The following RAB26 variants were observed in gnomAD, a reference collection of about 807,000 sequenced individuals.
RAB26 encodes the protein RAB26, member RAS oncogene family, also known as ras-related protein Rab-26.
A neutral mutation model predicts 33.1 loss-of-function variants in RAB26; 39 were observed. That is an observed-to-expected ratio of 1.18 (90% CI 0.91 to 1.54). RAB26 has a LOEUF of 1.54. RAB26 is among the 40% of genes most tolerant of loss of function. RAB26 has a pLI of 0.00. For missense variants in RAB26, 468 were observed against 362.9 expected (o/e 1.29, Z -2.35); for synonymous variants, 192 against 151.9 (o/e 1.26, Z -1.94).
Position 2,153,384 on chromosome 16 carries a change from A to G in RAB26, c.734A>G (p.Lys245Arg). ...CGCTTCCGGCTGCATGATTACGTTAAGAGGGAGGGTCGAGGGGCCTCCTGC... is the reference window on the plus strand; with the variant it reads ...CGCTTCCGGCTGCATGATTACGTTAGGAGGGAGGGTCGAGGGGCCTCCTGC... ...EPRFRLHDYV[K>R]REGRGASCCR... Residue 245 changes from lysine to arginine, a missense_variant, in exon 9 of 9, where the codon AAG becomes AGG. Lys to Arg is a conservative substitution (Grantham distance 26, BLOSUM62 2). Coordinates refer to ENST00000210187, the MANE Select transcript of RAB26 (RefSeq NM_014353.5). The G allele has an allele frequency of 1.2e-6, 2 of 1,613,504 alleles. No individual in the cohort carries two copies. The highest frequency in any genetic ancestry group is 1.7e-6 in the Non-Finnish European group (2 of 1,180,014).
At position 2,149,984 on chromosome 16, in the gene RAB26, T is replaced by C; in HGVS notation, c.239T>C (p.Leu80Pro). Residue 80 changes from leucine to proline, a missense_variant, in exon 2 of 9, where the codon CTG becomes CCG. Coordinates refer to ENST00000210187, the MANE Select transcript of RAB26 (RefSeq NM_014353.5). Reference sequence around the variant, plus strand: ...TCGGGTGTGGGGAAGACCTGTCTGCTGGTGCGATTCAAGGATGGTGCTTTC... The same window carrying C: ...TCGGGTGTGGGGAAGACCTGTCTGCCGGTGCGATTCAAGGATGGTGCTTTC... ...GDSGVGKTCL[L>P]VRFKDGAFLA... The C allele has an allele frequency of 6.5e-7, 1 of 1,543,898 alleles. No homozygotes were observed. Among genetic ancestry groups the C allele is most frequent in the Non-Finnish European group, 8.7e-7 (1 of 1,143,394 alleles).
At position 2,153,223 on chromosome 16, in the gene RAB26, G is replaced by T. The variant is rs2093012463; in HGVS notation, c.668+1G>T. 8.7e-6 allele frequency: 14 copies of T among 1,613,796 alleles called. No individual in the cohort carries two copies. Among genetic ancestry groups the T allele is most frequent in the African/African-American group, 1.3e-5 (1 of 75,058 alleles). ...ACTTGGCCTTCACAGCCATAGCAAAGTAAGTCCTGCCAGTCACCAGGACTC... is the reference window on the plus strand; with the variant it reads ...ACTTGGCCTTCACAGCCATAGCAAATTAAGTCCTGCCAGTCACCAGGACTC... On this transcript the variant is annotated splice_donor_variant, in intron 8 of 8. Coordinates refer to ENST00000210187, the MANE Select transcript of RAB26 (RefSeq NM_014353.5). LOFTEE classifies it high-confidence loss of function.
chr16:2,151,917 C>A lies in RAB26; in HGVS notation c.468+9C>A. On this transcript the variant is annotated intron_variant, in intron 5 of 8. Transcript: ENST00000210187. ...CCTTTGACAACATCCAGGTCAGTGG[C>A]TTTCCTGGTGGGGTGAAAGGGCCCT... 6.2e-7 allele frequency: 1 copy of A among 1,614,086 alleles called. No homozygotes were observed. Among genetic ancestry groups the A allele is most frequent in the Non-Finnish European group, 8.5e-7 (1 of 1,180,014 alleles).
At chr16:2,152,044 G>A (rs2093006863) in intron 5 of RAB26, 136 bp downstream of exon 5, 1 of 1,281,940 alleles carries the variant, frequency 7.8e-7, no homozygotes, top group Non-Finnish European at 1.1e-6. Flanking sequence ...CTTCTGGGCT[G>A]GAGGTGGCCC....
rs1446841422 is a variant in RAB26 at position 2,153,309 on chromosome 16, C to T, written c.669-10C>T. The T allele has an allele frequency of 1.2e-6, 2 of 1,613,490 alleles. No individual in the cohort carries two copies. The highest frequency in any genetic ancestry group is 2.2e-5 in the South Asian group (2 of 91,084). ...GGCCATCGTGTCCCCTTGTCACCCC[C>T]ACTCCGCAGGGAGTTGAAGCAGCGC... is the stretch of plus-strand genomic sequence containing the variant. On this transcript the variant is annotated splice_polypyrimidine_tract_variant and intron_variant, in intron 8 of 8. Transcript: ENST00000210187.
At chr16:2,149,303 C>CTTTT (rs756125935) in intron 1 of RAB26, among the ~76,000 whole-genome samples, 4 of 116,016 alleles carry the variant, frequency 3.4e-5, no homozygotes, top group East Asian at 2.2e-4. Context: ...GGCTGTGGGC[C>CTTTT]TTTTTTTTTT....
rs2093013060 is a variant in RAB26 at position 2,153,316 on chromosome 16, C to T, written c.669-3C>T. ...GTGTCCCCTTGTCACCCCCACTCCG[C>T]AGGGAGTTGAAGCAGCGCTCCATGA... is the stretch of plus-strand genomic sequence containing the variant. On this transcript the variant is annotated splice_region_variant and splice_polypyrimidine_tract_variant and intron_variant, in intron 8 of 8. Transcript: ENST00000210187. The T allele has an allele frequency of 6.2e-7, 1 of 1,613,386 alleles. No individual in the cohort carries two copies. The highest frequency in any genetic ancestry group is 8.5e-7 in the Non-Finnish European group (1 of 1,179,962).
Position 2,148,841 on chromosome 16 carries a change from C to A in RAB26, c.58C>A (p.Leu20Met), listed in dbSNP as rs779210459. Reference protein sequence around the residue: ...KGASTPAASTLPTANGARPAR... With the variant: ...KGASTPAASTMPTANGARPAR... ...GGCCAGCACCCCCGCTGCCTCCACGCTGCCCACCGCCAACGGGGCCCGACC... is the reference window on the plus strand; with the variant it reads ...GGCCAGCACCCCCGCTGCCTCCACGATGCCCACCGCCAACGGGGCCCGACC... The change falls in exon 1 of 9, where the codon CTG becomes ATG. Residue 20 changes from leucine (L) to methionine (M), a missense_variant. Coordinates refer to ENST00000210187, the MANE Select transcript of RAB26 (RefSeq NM_014353.5). The A allele has an allele frequency of 3.5e-6, 5 of 1,413,898 alleles. No homozygotes were observed. In the Admixed American group the frequency reaches 1.4e-4, roughly 41 times the overall value. The allele number at this position is 1,413,898 out of a possible 1,614,324, so 87.6% of individuals were successfully genotyped here.
In RAB26 at chr16:2,148,983, G is replaced by A. The variant is rs1016870573; in HGVS notation, c.195+5G>A. On this transcript the variant is annotated splice_donor_5th_base_variant and intron_variant, in intron 1 of 8. Transcript: ENST00000210187. ...TTCTACGACGTCGCCTTCAAGGTGA[G>A]CCAGGCACCCGCCCCCCAGGCCAGC... 6.3e-6 allele frequency: 8 copies of A among 1,274,392 alleles called. No homozygotes were observed. The highest frequency in any genetic ancestry group is 3.1e-5 in the African/African-American group (2 of 64,790). The allele number at this position is 1,274,392 out of a possible 1,614,324, so 78.9% of individuals were successfully genotyped here.
Position 2,153,185 on chromosome 16 carries a change from G to A in RAB26, c.631G>A (p.Gly211Ser), listed in dbSNP as rs759499711. Residue 211 changes from glycine (G) to serine (S), a missense_variant, in exon 8 of 9, where the codon GGC (glycine) becomes AGC (serine). Coordinates refer to ENST00000210187, the MANE Select transcript of RAB26 (RefSeq NM_014353.5). ...CTTCATGGAGACCAGCGCCAAGACG[G>A]GCCTCAACGTGGACTTGGCCTTCAC... ...LPFMETSAKT[G>S]LNVDLAFTAI... 1 of 1,613,842 alleles carries A rather than the reference G, an allele frequency of 6.2e-7. No homozygotes were observed. Among genetic ancestry groups the A allele is most frequent in the South Asian group, 1.1e-5 (1 of 91,080 alleles).
In RAB26 at chr16:2,151,752, G is replaced by GATGCTC; in HGVS notation, c.410_415dup (p.His138_Ala139dup). 1.2e-6 allele frequency: 2 copies of GATGCTC among 1,613,980 alleles called. No individual in the cohort carries two copies. The highest frequency in any genetic ancestry group is 1.7e-6 in the Non-Finnish European group (2 of 1,180,028). ...CAGTGTTACCCATGCCTACTACCGG[G>GATGCTC]ATGCTCATGGTGAGCCCCTGGGTAC... On this transcript the variant is annotated inframe_insertion, in exon 4 of 9. Transcript: ENST00000210187.
chr16:2,154,137 TG>T lies in RAB26; in HGVS notation c.*718del. On this transcript the variant is annotated 3_prime_UTR_variant, in exon 9 of 9. Coordinates refer to ENST00000210187, the MANE Select transcript of RAB26 (RefSeq NM_014353.5). Reference sequence around the variant, plus strand: ...TCCTAGTGAATAAAGTTGTGTTTTCTGGAGCGTCTGTCTCATCTGTTGAAAA... The same window carrying T: ...TCCTAGTGAATAAAGTTGTGTTTTCTGAGCGTCTGTCTCATCTGTTGAAAA... 3.5e-6 allele frequency: 1 copy of T among 289,578 alleles called. No individual in the cohort carries two copies. The highest frequency in any genetic ancestry group is 2.9e-5 in the South Asian group (1 of 34,246). The allele number at this position is 289,578 out of a possible 1,614,324, so 17.9% of individuals were successfully genotyped here. A position where few individuals can be genotyped will look rare whatever the true frequency, so the allele number is the denominator to read the frequency against.
In RAB26 at chr16:2,150,040, A is replaced by G. The variant is rs1307420895; in HGVS notation, c.295A>G (p.Ile99Val). 6.5e-7 allele frequency: 1 copy of G among 1,542,906 alleles called. No individual in the cohort carries two copies. The highest frequency in any genetic ancestry group is 8.7e-7 in the Non-Finnish European group (1 of 1,143,082). ...GGGGACCTTCATCTCCACCGTAGGC[A>G]TTGACTTCCGGGTGAGTGGAGGCCC... ...LAGTFISTVGIDFRNKVLDVD... is the reference protein window; with the variant it reads ...LAGTFISTVGVDFRNKVLDVD... The change falls in exon 2 of 9, where the codon ATT becomes GTT. Residue 99 changes from isoleucine (I) to valine (V), a missense_variant. By Grantham distance (29) the Ile-to-Val change is conservative. Coordinates refer to ENST00000210187, the MANE Select transcript of RAB26 (RefSeq NM_014353.5).
chr16:2,148,809 G>A lies in RAB26; in HGVS notation c.26G>A (p.Ser9Asn). The A allele has an allele frequency of 2.1e-6, 3 of 1,404,416 alleles. No individual in the cohort carries two copies. Among genetic ancestry groups the A allele is most frequent in the Non-Finnish European group, 2.8e-6 (3 of 1,081,554 alleles). The allele number at this position is 1,404,416 out of a possible 1,614,324, so 87.0% of individuals were successfully genotyped here. Residue 9 changes from serine (S) to asparagine (N), a missense_variant, in exon 1 of 9, where the codon AGC becomes AAC. Coordinates refer to ENST00000210187, the MANE Select transcript of RAB26 (RefSeq NM_014353.5). MSRKKTPK[S>N]KGASTPAAST... is the part of the protein sequence containing the mutation. ...ATGTCCAGGAAGAAGACCCCCAAGA[G>A]CAAAGGGGCCAGCACCCCCGCTGCC...
chr16:2,151,205 A>G (rs2141251767), intron 2 of RAB26: 1 of 489,622 alleles, frequency 2.0e-6, no homozygotes, highest in African/African-American at 1.9e-5. Context: ...TTCTGGGTTC[A>G]AGCCATCCTG....
rs2092994727 is a variant in RAB26 at position 2,148,801 on chromosome 16, C to T, written c.18C>T (p.Thr6=). Residue 6 remains threonine, a synonymous_variant, in exon 1 of 9, where the codon ACC becomes ACT. Transcript: ENST00000210187. MSRKK[T]PKSKGASTPA... is the part of the protein sequence containing the mutation. ...CGCCCGCCATGTCCAGGAAGAAGAC[C>T]CCCAAGAGCAAAGGGGCCAGCACCC... 2.9e-6 allele frequency: 4 copies of T among 1,386,740 alleles called. No homozygotes were observed. The highest frequency in any genetic ancestry group is 3.7e-6 in the Non-Finnish European group (4 of 1,073,926). The allele number at this position is 1,386,740 out of a possible 1,614,324, so 85.9% of individuals were successfully genotyped here. A position where few individuals can be genotyped will look rare whatever the true frequency, so the allele number is the denominator to read the frequency against.
At chr16:2,150,691 GCCAGT>G in intron 2 of RAB26, among the ~76,000 whole-genome samples, 3 of 152,146 alleles carry the variant, frequency 2.0e-5, no homozygotes, top group Non-Finnish European at 4.4e-5. Context: ...AGGGGGGCAG[GCCAGT>G]CCTGTCTGGT....
chr16:2,150,087 T>A (rs954228114), intron 2 of RAB26, 36 bp downstream of exon 2: 18 of 1,501,706 alleles, frequency 1.2e-5, no homozygotes, highest in Non-Finnish European at 1.5e-5. Context: ...CACATCAGAG[T>A]CCCGCCGGTA....
intron 7 of RAB26, 47 bp downstream of exon 7, chr16:2,153,092 G>C: frequency 6.2e-7 from 1 of 1,613,024 alleles, no homozygotes; most frequent in Non-Finnish European, 8.5e-7. Flanking sequence ...TGGAGGCTGC[G>C]AGCCTAGGCT....
Sources: gnomAD v4.1 joint callset for allele counts (sites outside exome capture counted in the v4.1 genomes callset) on GRCh38, gnomAD v4.1.1 for gene constraint, MANE v1.5 for transcripts, NCBI Gene and HGNC (gene_info 2026-07-23, HGNC 2026-07-21) for gene names.